BCL2L10: variants seen among roughly 807,000 people sequenced by gnomAD.
BCL2L10 encodes BCL2 like 10, also known as bcl-2-like protein 10.
A neutral mutation model predicts 11.1 loss-of-function variants in BCL2L10; 14 were observed. The observed-to-expected ratio is 1.26, with a 90% CI of 0.83 to 1.96. BCL2L10 has a LOEUF of 1.96. Ranked by LOEUF, BCL2L10 falls within the 30% of genes most tolerant of loss-of-function variation. The probability of loss-of-function intolerance (pLI) is 0.00; values close to 1 mark genes in which losing one functional copy is unlikely to be tolerated. For synonymous variants in BCL2L10, 154 were observed against 133.4 expected (o/e 1.15, Z -1.07); for missense variants, 309 against 273.9 (o/e 1.13, Z -0.90).
In BCL2L10 at chr15:52,112,676, C is replaced by T. The variant is rs1303325023; in HGVS notation, c.51G>A (p.Glu17=). The T allele has an allele frequency of 1.2e-5, 19 of 1,544,740 alleles. No homozygotes were observed. The highest frequency in any genetic ancestry group is 1.5e-5 in the Non-Finnish European group (17 of 1,152,140). Residue 17 remains glutamate (E), a synonymous_variant, in exon 1 of 2, where the codon GAG becomes GAA. Transcript: ENST00000260442. Reference sequence around the variant, plus strand: ...AGTCGGCCAGCAACAGCTCGGTGCGCTCCCGCAGCGGGTCGGCCATGGTGG... The same window carrying T: ...AGTCGGCCAGCAACAGCTCGGTGCGTTCCCGCAGCGGGTCGGCCATGGTGG... The part of the protein sequence containing the change: ...ERTTMADPLR[E]RTELLLADYL...
rs769251486 is a variant in BCL2L10, at chr15:52,112,427, G to A, written c.300C>T (p.Leu100=). The A allele has an allele frequency of 6.2e-7, 1 of 1,607,344 alleles. No individual in the cohort carries two copies. Among genetic ancestry groups the A allele is most frequent in the Admixed American group, 1.7e-5 (1 of 59,958 alleles). The change falls in exon 1 of 2, where the codon CTC becomes CTT. Residue 100 remains leucine (L), a synonymous_variant. Transcript: ENST00000260442. ...PGPTWGRVVT[L]VTFAGTLLER... ...CCAGCAGCGTCCCTGCGAAGGTCAC[G>A]AGCGTCACCACTCTGCCCCAGGTGG...
chr15:52,112,526 G>A lies in BCL2L10; in HGVS notation c.201C>T (p.Tyr67=), dbSNP rs1469161848. 3 of 1,593,502 alleles carry A rather than the reference G, an allele frequency of 1.9e-6. No homozygotes were observed. The Admixed American group carries it at 5.1e-5, about 27-fold the overall frequency. ...CGAAGCGGTTCCCGGGGTAGCCGAG[G>A]TAGGCGGAGAAAAAGGACCGGTGAA... ...RQIHRSFFSA[Y]LGYPGNRFEL... The change falls in exon 1 of 2, where the codon TAC becomes TAT. Residue 67 remains tyrosine (Y), a synonymous_variant. Transcript: ENST00000260442.
rs778464941 is a variant in BCL2L10 at position 52,112,609 on chromosome 15, C to T, written c.118G>A (p.Ala40Thr). Residue 40 changes from alanine to threonine, a missense_variant, in exon 1 of 2, where the codon GCG (alanine) becomes ACG (threonine). Transcript: ENST00000260442. ...CAREPGTPEP[A>T]PSTPEAAVLR... ...ACGGCGGCCTCGGGCGTGGATGGCG[C>T]CGGCTCGGGGGTGCCGGGTTCCCGG... 11 of 1,575,240 alleles carry T rather than the reference C, an allele frequency of 7.0e-6. No individual in the cohort carries two copies. The South Asian group carries it at 1.1e-4, about 16-fold the overall frequency.
chr15:52,109,810 C>T lies in BCL2L10; in HGVS notation c.*38G>A. 1.9e-6 allele frequency: 3 copies of T among 1,610,288 alleles called. No homozygotes were observed. The highest frequency in any genetic ancestry group is 2.5e-6 in the Non-Finnish European group (3 of 1,177,768). ...CACACATCTGTCATTTAGTTGGTCA[C>T]AGTTGGGCAGGTAGAAGCGGGTTAA... On this transcript the variant is annotated 3_prime_UTR_variant, in exon 2 of 2. Transcript: ENST00000260442.
In BCL2L10 at chr15:52,109,983, G is replaced by A. The variant is rs1251198604; in HGVS notation, c.490-10C>T. On this transcript the variant is annotated splice_polypyrimidine_tract_variant and intron_variant, in intron 1 of 1. Transcript: ENST00000260442. ...AGTGACAAAAGCCATCCTACAGGGG[G>A]GAGAGAGAAAAGTTAGATTGCCTCA... 8.2e-6 allele frequency: 13 copies of A among 1,590,306 alleles called. No homozygotes were observed. In the South Asian group the frequency reaches 1.5e-4, roughly 18 times the overall value.
intron 1 of BCL2L10, 67 bp from the exon 2 acceptor site, chr15:52,110,040 G>C: frequency 6.9e-7 from 1 of 1,440,584 alleles, no homozygotes; most frequent in Non-Finnish European, 9.4e-7. Flanking sequence ...AAACACGCAG[G>C]AACTTCCAGA....
chr15:52,111,062 T>C (rs1419696723), intron 1 of BCL2L10, among the ~76,000 whole-genome samples: 4 of 151,852 alleles, frequency 2.6e-5, no homozygotes. Flanking sequence ...GGGGGCCAGG[T>C]GAGGTGGCTC....
Position 52,112,498 on chromosome 15 carries a change from G to A in BCL2L10, c.229C>T (p.Leu77=), listed in dbSNP as rs777133899. Reference sequence around the variant, plus strand: ...ACGGAATCCGCCATCAGCGCCACCAGCTCGAAGCGGTTCCCGGGGTAGCCG... The same window carrying A: ...ACGGAATCCGCCATCAGCGCCACCAACTCGAAGCGGTTCCCGGGGTAGCCG... ...YLGYPGNRFE[L]VALMADSVLS... is the part of the protein sequence containing the mutation. Residue 77 remains leucine, a synonymous_variant, in exon 1 of 2, where the codon CTG becomes TTG. Coordinates refer to ENST00000260442, the MANE Select transcript of BCL2L10 (RefSeq NM_020396.4). 1.2e-6 allele frequency: 2 copies of A among 1,600,992 alleles called. No individual in the cohort carries two copies.
intron 1 of BCL2L10, among the ~76,000 whole-genome samples, chr15:52,111,601 C>T (rs1240515934): frequency 6.6e-6 from 1 of 152,120 alleles, no homozygotes; most frequent in African/African-American, 2.4e-5. Flanking sequence ...AGCTGCAGGG[C>T]AAGGGCCTGT....
chr15:52,111,195 C>CAT (rs1292052155), intron 1 of BCL2L10, among the ~76,000 whole-genome samples: 1 of 150,666 alleles, frequency 6.6e-6, no homozygotes, highest in Non-Finnish European at 1.5e-5. Context: ...CACACACACA[C>CAT]ACACACACAC....
In BCL2L10 at chr15:52,112,319, C is replaced by T. The variant is rs1355646376; in HGVS notation, c.408G>A (p.Arg136=). 5.1e-6 allele frequency: 8 copies of T among 1,581,310 alleles called. No homozygotes were observed. The East Asian group carries it at 7.0e-5, about 14-fold the overall frequency. ...RLKEQEGDVA[R]DCQRLVALLS... ...GCAAGGCCACCAGGCGCTGGCAGTC[C>T]CGGGCGACGTCGCCCTCCTGCTCCT... The change falls in exon 1 of 2, where the codon CGG becomes CGA. Residue 136 remains arginine (R), a synonymous_variant. Coordinates refer to ENST00000260442, the MANE Select transcript of BCL2L10 (RefSeq NM_020396.4).
chr15:52,112,665 A>G lies in BCL2L10; in HGVS notation c.62T>C (p.Leu21Pro). ...GTACCCCAGGTAGTCGGCCAGCAAC[A>G]GCTCGGTGCGCTCCCGCAGCGGGTC... ...MADPLRERTELLLADYLGYCA... is the reference protein window; with the variant it reads ...MADPLRERTEPLLADYLGYCA... The change falls in exon 1 of 2, where the codon CTG becomes CCG. Residue 21 changes from leucine (L) to proline (P), a missense_variant. Coordinates refer to ENST00000260442, the MANE Select transcript of BCL2L10 (RefSeq NM_020396.4). The G allele has an allele frequency of 6.5e-7, 1 of 1,549,586 alleles. No homozygotes were observed. Among genetic ancestry groups the G allele is most frequent in the Non-Finnish European group, 8.7e-7 (1 of 1,155,000 alleles).
chr15:52,112,429 G>C lies in BCL2L10; in HGVS notation c.298C>G (p.Leu100Val). 8 of 1,607,376 alleles carry C rather than the reference G, an allele frequency of 5.0e-6. No homozygotes were observed. Among genetic ancestry groups the C allele is most frequent in the Non-Finnish European group, 6.8e-6 (8 of 1,179,582 alleles). ...AGCAGCGTCCCTGCGAAGGTCACGA[G>C]CGTCACCACTCTGCCCCAGGTGGGG... ...PGPTWGRVVT[L>V]VTFAGTLLER... Residue 100 changes from leucine (L) to valine (V), a missense_variant, in exon 1 of 2, where the codon CTC becomes GTC. Physicochemically the swap from Leu to Val is conservative, Grantham distance 32 (BLOSUM62 1). Coordinates refer to ENST00000260442, the MANE Select transcript of BCL2L10 (RefSeq NM_020396.4).
rs779410273 is a variant in BCL2L10 at position 52,109,985 on chromosome 15, A to G, written c.490-12T>C. 1.3e-6 allele frequency: 2 copies of G among 1,590,136 alleles called. No individual in the cohort carries two copies. The highest frequency in any genetic ancestry group is 2.3e-5 in the South Asian group (2 of 87,394). Reference sequence around the variant, plus strand: ...TGACAAAAGCCATCCTACAGGGGGGAGAGAGAAAAGTTAGATTGCCTCATG... The same window carrying G: ...TGACAAAAGCCATCCTACAGGGGGGGGAGAGAAAAGTTAGATTGCCTCATG... On this transcript the variant is annotated splice_polypyrimidine_tract_variant and intron_variant, in intron 1 of 1. Coordinates refer to ENST00000260442, the MANE Select transcript of BCL2L10 (RefSeq NM_020396.4).
chr15:52,112,087 G>T, intron 1 of BCL2L10, 151 bp downstream of exon 1: 1 of 1,347,814 alleles, frequency 7.4e-7, no homozygotes, highest in South Asian at 1.8e-5. Flanking sequence ...ACTTCACAGC[G>T]AACGTTCCAG....
chr15:52,110,717 G>T (rs1301209371), intron 1 of BCL2L10, among the ~76,000 whole-genome samples: 1 of 152,168 alleles, frequency 6.6e-6, no homozygotes, highest in East Asian at 1.9e-4. Flanking sequence ...ACAGGTGCGA[G>T]CCACTGCACC....
In BCL2L10 at chr15:52,112,422, G is replaced by A; in HGVS notation, c.305C>T (p.Thr102Ile). 1 of 1,607,242 alleles carries A rather than the reference G, an allele frequency of 6.2e-7. No homozygotes were observed. Among genetic ancestry groups the A allele is most frequent in the Non-Finnish European group, 8.5e-7 (1 of 1,179,580 alleles). Residue 102 changes from threonine to isoleucine, a missense_variant, in exon 1 of 2, where the codon ACC becomes ATC. By Grantham distance (89) the Thr-to-Ile change is moderately conservative (BLOSUM62 -1). Transcript: ENST00000260442. ...PTWGRVVTLVTFAGTLLERGP... is the reference protein window; with the variant it reads ...PTWGRVVTLVIFAGTLLERGP... Reference sequence around the variant, plus strand: ...TCTCTCCAGCAGCGTCCCTGCGAAGGTCACGAGCGTCACCACTCTGCCCCA... The same window carrying A: ...TCTCTCCAGCAGCGTCCCTGCGAAGATCACGAGCGTCACCACTCTGCCCCA...
intron 1 of BCL2L10, among the ~76,000 whole-genome samples, chr15:52,110,830 T>TA (rs1262817986): frequency 6.6e-6 from 1 of 152,196 alleles, no homozygotes; most frequent in East Asian, 1.9e-4. Flanking sequence ...TTTCCAATTC[T>TA]AATCTCTTCT....
chr15:52,111,485 T>A (rs914762427), intron 1 of BCL2L10, among the ~76,000 whole-genome samples: 1 of 152,144 alleles, frequency 6.6e-6, no homozygotes, highest in Admixed American at 6.5e-5. Flanking sequence ...GCCACTTCAG[T>A]CATTGAATCA....
Sources: gnomAD v4.1 joint callset for allele counts (sites outside exome capture counted in the v4.1 genomes callset) on GRCh38, gnomAD v4.1.1 for gene constraint, MANE v1.5 for transcripts, NCBI Gene and HGNC (gene_info 2026-07-23, HGNC 2026-07-21) for gene names.